The following LVRN variants were observed in gnomAD, a reference collection of about 807,000 sequenced individuals.
The protein encoded by LVRN is aminopeptidase Q.
Under a neutral mutation model 111.4 loss-of-function variants are expected in LVRN, and 99 were observed. That is an observed-to-expected ratio of 0.89 (90% confidence interval 0.76 to 1.05). LVRN has a LOEUF of 1.05. Ranked by LOEUF, LVRN falls within the 50% of genes least tolerant of loss-of-function variation. LVRN has a pLI of 0.00. For synonymous variants in LVRN, 488 were observed against 449.5 expected, an observed-to-expected ratio of 1.09 and a Z score of -1.08; for missense variants, 1,414 against 1,206.8, an observed-to-expected ratio of 1.17 and a Z score of -2.54.
rs150577571 is a variant in LVRN, at chr5:116,010,593, A to G, written c.2094-148A>G. 8.0e-3 allele frequency: 6,666 copies of G among 833,752 alleles called. 53 individuals are homozygous for G. The highest frequency in any genetic ancestry group is 0.029 in the Middle Eastern group (131 of 4,500). 51.6% of individuals were successfully genotyped at this position (833,752 alleles called of 1,614,324 possible). A position where few individuals can be genotyped will look rare whatever the true frequency, so the allele number is the denominator to read the frequency against. On this transcript the variant is annotated intron_variant, in intron 13 of 19. Transcript: ENST00000357872. ...ACTTTGCTTGGGTTTCATCCTTTCTATAAGATGGGACATTTACCTTCTCGT... is the reference window on the plus strand; with the variant it reads ...ACTTTGCTTGGGTTTCATCCTTTCTGTAAGATGGGACATTTACCTTCTCGT...
intron 10 of LVRN, among the ~76,000 whole-genome samples, chr5:116,001,449 G>A (rs1310166494): frequency 6.6e-6 from 1 of 152,142 alleles, no homozygotes; most frequent in African/African-American, 2.4e-5. Context: ...CCCTACCCTG[G>A]GATTTAGGGT....
Position 115,999,780 on chromosome 5 carries a change from A to C in LVRN, c.1393A>C (p.Asn465His), listed in dbSNP as rs142292698. The C allele has an allele frequency of 9.2e-5, 149 of 1,612,524 alleles. No homozygotes were observed. In the East Asian group the frequency reaches 3.3e-3, roughly 36 times the overall value. Residue 465 changes from asparagine to histidine, a missense_variant, in exon 7 of 20, where the codon AAC becomes CAC. Transcript: ENST00000357872. ...TTTATAGAATGAGATCTTTTTTTCT[A>C]ACATTTTACATAATATCCTCAGAGA... ...KLPRNEIFFS[N>H]ILHNILREDH... is the part of the protein sequence containing the mutation.
chr5:116,003,865 G>GCCACC (rs1748298321), intron 12 of LVRN, among the ~76,000 whole-genome samples: 1 of 152,176 alleles, frequency 6.6e-6, no homozygotes. Context: ...ACAGGCGTGA[G>GCCACC]CCACCGCGCC....
chr5:115,982,743 A>G (rs1747737545), intron 1 of LVRN, among the ~76,000 whole-genome samples: 1 of 152,094 alleles, frequency 6.6e-6, no homozygotes, highest in Non-Finnish European at 1.5e-5. Flanking sequence ...ACCTTTACCC[A>G]TATATAATTG....
At chr5:116,018,601 G>A (rs1748649416) in intron 18 of LVRN, among the ~76,000 whole-genome samples, 1 of 151,172 alleles carries the variant, frequency 6.6e-6, no homozygotes, top group Admixed American at 6.6e-5. Context: ...GAACCCGGGA[G>A]GTGCAGGTTG....
chr5:116,012,488 T>G lies in LVRN; in HGVS notation c.2342+20T>G, dbSNP rs1024518736. The G allele has an allele frequency of 7.1e-7, 1 of 1,405,776 alleles. No individual in the cohort carries two copies. The highest frequency in any genetic ancestry group is 1.5e-5 in the African/African-American group (1 of 67,894). 87.1% of individuals were successfully genotyped at this position (1,405,776 alleles called of 1,614,324 possible). Reference sequence around the variant, plus strand: ...AGCTCTGTAAGTATGTTTTCAGAAGTGATAATTGAATAAAATGCATTCATA... The same window carrying G: ...AGCTCTGTAAGTATGTTTTCAGAAGGGATAATTGAATAAAATGCATTCATA... On this transcript the variant is annotated intron_variant, in intron 15 of 19. Coordinates refer to ENST00000357872, the MANE Select transcript of LVRN (RefSeq NM_173800.5).
intron 14 of LVRN, among the ~76,000 whole-genome samples, chr5:116,011,373 G>T (rs1227352795): frequency 6.6e-6 from 1 of 151,810 alleles, no homozygotes; most frequent in Non-Finnish European, 1.5e-5. Context: ...AGATGCTTTT[G>T]ATATTAGGAA....
At chr5:116,022,024 C>T (rs1026056537) in intron 18 of LVRN, among the ~76,000 whole-genome samples, 1 of 152,102 alleles carries the variant, frequency 6.6e-6, no homozygotes, top group Non-Finnish European at 1.5e-5. Flanking sequence ...TGAAATGGAT[C>T]CTCTATGAAC....
At chr5:115,986,743 A>C (rs1394901848) in intron 3 of LVRN, among the ~76,000 whole-genome samples, 1 of 152,222 alleles carries the variant, frequency 6.6e-6, no homozygotes, top group Non-Finnish European at 1.5e-5. Flanking sequence ...TAAACATAAG[A>C]AACATGTAAG....
intron 18 of LVRN, among the ~76,000 whole-genome samples, chr5:116,016,232 A>C (rs1197459354): frequency 6.6e-6 from 1 of 152,200 alleles, no homozygotes; most frequent in Non-Finnish European, 1.5e-5. Context: ...AGAAGGAAAT[A>C]AAAGTTCAAC....
chr5:116,015,131 C>A, intron 16 of LVRN, 121 bp from the exon 17 acceptor site: 1 of 676,982 alleles, frequency 1.5e-6, no homozygotes, highest in Non-Finnish European at 2.1e-6. Context: ...CTCTAGATTC[C>A]TACTTTTGAC....
rs1024538366 is a variant in LVRN, at chr5:115,980,677, G to T, written c.696-2610G>T. Among the ~76,000 whole-genome samples the T allele has an allele frequency of 3.3e-5, 5 of 152,080 alleles. No homozygotes were observed. In the South Asian group the frequency reaches 8.3e-4, roughly 25 times the overall value. ...CTTTGAGATTCATAAGCTTTGTGAG[G>T]TCATGGCAGCTGAGAACGTATGATC... is the stretch of plus-strand genomic sequence containing the variant. On this transcript the variant is annotated intron_variant, in intron 1 of 19. Transcript: ENST00000357872.
intron 2 of LVRN, 71 bp from the exon 3 acceptor site, chr5:115,984,499 T>C: frequency 1.3e-6 from 2 of 1,552,154 alleles, no homozygotes; most frequent in African/African-American, 2.7e-5. Flanking sequence ...GACAATTGAC[T>C]TGACAAATTA....
chr5:115,979,548 G>A (rs914908820), intron 1 of LVRN, among the ~76,000 whole-genome samples: 1 of 152,068 alleles, frequency 6.6e-6, no homozygotes, highest in Non-Finnish European at 1.5e-5. Context: ...GCATACCCAG[G>A]TTCTCAAGGC....
At chr5:115,988,666 T>C (rs892989029) in intron 4 of LVRN, among the ~76,000 whole-genome samples, 2 of 152,158 alleles carry the variant, frequency 1.3e-5, no homozygotes, top group South Asian at 2.1e-4. Flanking sequence ...GAGTAAATAT[T>C]TGGGAGCTTG....
In LVRN at chr5:116,025,960, GTC is replaced by G; in HGVS notation, c.2833-12_2833-11del. Reference sequence around the variant, plus strand: ...GGAAGTTGGATTGCACTGATCATCTGTCTCTCTGTCCTTCCAGCTGCAGCAGT... The same window carrying G: ...GGAAGTTGGATTGCACTGATCATCTGTCTCTGTCCTTCCAGCTGCAGCAGT... On this transcript the variant is annotated splice_polypyrimidine_tract_variant and intron_variant, in intron 19 of 19. Transcript: ENST00000357872. 2.5e-6 allele frequency: 4 copies of G among 1,613,134 alleles called. No homozygotes were observed. Among genetic ancestry groups the G allele is most frequent in the Non-Finnish European group, 3.4e-6 (4 of 1,179,644 alleles).
In LVRN at chr5:115,963,212, G is replaced by A; in HGVS notation, c.595G>A (p.Gly199Ser). 2 of 1,612,880 alleles carry A rather than the reference G, an allele frequency of 1.2e-6. No homozygotes were observed. The highest frequency in any genetic ancestry group is 2.2e-5 in the South Asian group (2 of 90,932). The change falls in exon 1 of 20, where the codon GGT becomes AGT. Residue 199 changes from glycine (G) to serine (S), a missense_variant. Physicochemically the swap from Gly to Ser is moderately conservative, Grantham distance 56. Coordinates refer to ENST00000357872, the MANE Select transcript of LVRN (RefSeq NM_173800.5). ...VLELSEPLKP[G>S]SSYELQLSFS... The stretch of plus-strand genomic sequence containing the variant: ...GGAGCTCAGTGAGCCCCTGAAACCT[G>A]GTAGCAGCTACGAGCTGCAGCTTAG...
At chr5:115,976,591 A>G (rs925601556) in intron 1 of LVRN, among the ~76,000 whole-genome samples, 1 of 152,056 alleles carries the variant, frequency 6.6e-6, no homozygotes, top group Non-Finnish European at 1.5e-5. Flanking sequence ...CCCACTAACT[A>G]TTGCTTTAAT....
chr5:115,988,011 C>T (rs1747908292), intron 4 of LVRN, 72 bp downstream of exon 4: 1 of 1,535,238 alleles, frequency 6.5e-7, no homozygotes, highest in South Asian at 1.3e-5. Context: ...CCTCAAGATA[C>T]ACAGACAAAC....
Sources: allele counts gnomAD v4.1 joint callset (sites outside exome capture counted in the v4.1 genomes callset), GRCh38; gene constraint gnomAD v4.1.1; transcripts MANE v1.5; gene names NCBI Gene and HGNC (gene_info 2026-07-23, HGNC 2026-07-21).